The following COBL variants were observed in gnomAD, a reference collection of about 807,000 sequenced individuals.
COBL encodes protein cordon-bleu.
A neutral mutation model predicts 98.8 loss-of-function variants in COBL; 51 were observed. The observed-to-expected ratio is 0.52, with a 90% CI of 0.41 to 0.65. The LOEUF (loss-of-function observed/expected upper bound fraction) is 0.65. COBL is among the 30% of genes least tolerant of loss of function. COBL has a pLI of 0.00. For missense variants in COBL, 1,617 were observed against 1,617.5 expected, an observed-to-expected ratio of 1.00 and a Z score of 0.01; for synonymous variants, 634 against 651.7, an observed-to-expected ratio of 0.97 and a Z score of 0.41.
rs1481820268 is a variant in COBL at position 51,119,218 on chromosome 7, A to G, written c.957+16940T>C. ...GTGATATTATTACCTCTTCTAAGGT[A>G]CCATAGTATTTAGGCTACCTAATCT... On this transcript the variant is annotated intron_variant, in intron 6 of 12. Transcript: ENST00000265136. 5.3e-5 allele frequency among the ~76,000 whole-genome samples: 8 copies of G among 152,284 alleles called. No homozygotes were observed. The South Asian group carries it at 1.7e-3, about 32-fold the overall frequency.
intron 1 of COBL, among the ~76,000 whole-genome samples, chr7:51,257,179 C>T (rs778726366): frequency 2.0e-5 from 3 of 152,172 alleles, no homozygotes; most frequent in African/African-American, 7.2e-5. Context: ...AGAACCAGTG[C>T]CCTGCAGCCC....
chr7:51,131,999 G>A (rs1289178183), intron 6 of COBL, among the ~76,000 whole-genome samples: 2 of 152,232 alleles, frequency 1.3e-5, no homozygotes, highest in Non-Finnish European at 2.9e-5. Context: ...GTAGTTTGTG[G>A]CTGAGAAGGG....
At chr7:51,051,029 C>T (rs996719897) in intron 7 of COBL, among the ~76,000 whole-genome samples, 2 of 151,986 alleles carry the variant, frequency 1.3e-5, no homozygotes, top group South Asian at 2.1e-4. Context: ...ATTTATTTTC[C>T]GTTATTTGGA....
intron 1 of COBL, among the ~76,000 whole-genome samples, chr7:51,254,769 C>T (rs759613296): frequency 4.6e-5 from 7 of 152,146 alleles, no homozygotes; most frequent in Non-Finnish European, 1.0e-4. Flanking sequence ...ACCATCTGAC[C>T]TCATGAAGGG....
chr7:51,076,716 G>C (rs1034103322), intron 7 of COBL, among the ~76,000 whole-genome samples: 25 of 152,102 alleles, frequency 1.6e-4, no homozygotes, highest in Middle Eastern at 3.2e-3. Flanking sequence ...TGTTGGGGGG[G>C]GTTGCTTAGA....
At chr7:51,136,633 C>T (rs189471231) in intron 5 of COBL, among the ~76,000 whole-genome samples, 1 of 152,286 alleles carries the variant, frequency 6.6e-6, no homozygotes, top group Admixed American at 6.5e-5. Flanking sequence ...TCTTGACCAA[C>T]CTGCAGGTGT....
intron 6 of COBL, among the ~76,000 whole-genome samples, chr7:51,107,084 G>GTTTTTTTTTTTTTTTTTTTTTTTTTT (rs202161212): frequency 9.1e-6 from 1 of 109,312 alleles, no homozygotes. Flanking sequence ...TGTGATCCTA[G>GTTTTTTTTTTTTTTTTTTTTTTTTTT]TTTGTTTGTT....
At chr7:51,172,565 G>A in intron 5 of COBL, 2 of 1,269,954 alleles carry the variant, frequency 1.6e-6, no homozygotes, top group Non-Finnish European at 2.0e-6. Context: ...TCATCTCCAG[G>A]TGAAAGTTCA....
At chr7:51,139,866 G>A (rs1194828220) in intron 5 of COBL, among the ~76,000 whole-genome samples, 1 of 152,160 alleles carries the variant, frequency 6.6e-6, no homozygotes, top group Non-Finnish European at 1.5e-5. Flanking sequence ...AGTCAAAACA[G>A]CTTGGCCCCC....
intron 7 of COBL, among the ~76,000 whole-genome samples, chr7:51,074,863 G>T (rs1210896551): frequency 6.6e-6 from 1 of 152,142 alleles, no homozygotes; most frequent in African/African-American, 2.4e-5. Context: ...TTATATAAAG[G>T]ATAAGTAGCA....
chr7:51,172,707 C>T (rs1387669188), intron 5 of COBL, among the ~76,000 whole-genome samples: 1 of 152,250 alleles, frequency 6.6e-6, no homozygotes, highest in African/African-American at 2.4e-5. Flanking sequence ...AACCAAAGTG[C>T]TCCCTGATTC....
At chr7:51,181,777 A>G (rs1788984184) in intron 5 of COBL, among the ~76,000 whole-genome samples, 1 of 152,026 alleles carries the variant, frequency 6.6e-6, no homozygotes, top group Non-Finnish European at 1.5e-5. Flanking sequence ...ACAATGGTGA[A>G]AAACAGAAAG....
At chr7:51,285,740 G>C (rs1393783075) in intron 1 of COBL, among the ~76,000 whole-genome samples, 1 of 152,142 alleles carries the variant, frequency 6.6e-6, no homozygotes, top group Non-Finnish European at 1.5e-5. Context: ...TAGACAAACT[G>C]ATCTGAAAAT....
chr7:51,209,396 G>A (rs2129075053), intron 2 of COBL, among the ~76,000 whole-genome samples: 1 of 152,316 alleles, frequency 6.6e-6, no homozygotes, highest in Middle Eastern at 3.4e-3. Context: ...TGGTGGCAGT[G>A]GGAGCACCTG....
chr7:51,099,384 A>G (rs1416942360), intron 6 of COBL, among the ~76,000 whole-genome samples: 2 of 152,244 alleles, frequency 1.3e-5, no homozygotes, highest in Non-Finnish European at 2.9e-5. Flanking sequence ...ATGAATGCAT[A>G]AAGAAAATGT....
chr7:51,232,097 G>C (rs993282433), intron 1 of COBL, among the ~76,000 whole-genome samples: 5 of 152,182 alleles, frequency 3.3e-5, no homozygotes, highest in African/African-American at 1.2e-4. Flanking sequence ...AGACGATGCA[G>C]AGCTGAGTGC....
At chr7:51,262,086 G>A (rs1469529775) in intron 1 of COBL, among the ~76,000 whole-genome samples, 1 of 152,236 alleles carries the variant, frequency 6.6e-6, no homozygotes, top group East Asian at 1.9e-4. Context: ...GATGGTGCAG[G>A]AAGAATGTGG....
intron 1 of COBL, among the ~76,000 whole-genome samples, chr7:51,279,630 T>C (rs144417969): frequency 3.0e-4 from 45 of 152,310 alleles, no homozygotes; most frequent in African/African-American, 1.1e-3. Context: ...TGTGGACACA[T>C]TATTATCACC....
At chr7:51,121,441 T>C (rs1232775214) in intron 6 of COBL, among the ~76,000 whole-genome samples, 3 of 152,244 alleles carry the variant, frequency 2.0e-5, no homozygotes, top group Non-Finnish European at 4.4e-5. Flanking sequence ...TTTGCAAATA[T>C]CTTCTCCCAT....
Sources: allele counts gnomAD v4.1 joint callset (sites outside exome capture counted in the v4.1 genomes callset), GRCh38; gene constraint gnomAD v4.1.1; transcripts MANE v1.5; gene names NCBI Gene and HGNC (gene_info 2026-07-23, HGNC 2026-07-21).